The following CHCHD6 variants were observed in gnomAD, a reference collection of about 807,000 sequenced individuals.
The protein encoded by CHCHD6 is coiled-coil-helix-coiled-coil-helix domain containing 6.
Under a neutral mutation model 32.3 loss-of-function variants are expected in CHCHD6, and 28 were observed. That is an observed-to-expected ratio of 0.87 (90% confidence interval 0.64 to 1.19). The LOEUF is 1.19. CHCHD6 is among the 50% of genes most tolerant of loss of function. The pLI, the probability that CHCHD6 is intolerant of heterozygous loss-of-function variation, is 0.00. For synonymous variants in CHCHD6, 122 were observed against 117.5 expected (o/e 1.04, Z -0.25); for missense variants, 333 against 307.0 (o/e 1.08, Z -0.63).
At chr3:126,776,583 G>A (rs906266925) in intron 4 of CHCHD6, among the ~76,000 whole-genome samples, 13 of 152,192 alleles carry the variant, frequency 8.5e-5, no homozygotes, top group Admixed American at 1.3e-4. Flanking sequence ...ATAGGACCTT[G>A]AGGGCACTTA....
intron 4 of CHCHD6, among the ~76,000 whole-genome samples, chr3:126,805,210 G>T (rs1002545661): frequency 6.6e-6 from 1 of 152,180 alleles, no homozygotes; most frequent in East Asian, 1.9e-4. Context: ...GGGCAATTAG[G>T]CAAGAGAAGG....
chr3:126,881,670 G>A (rs1045426876), intron 5 of CHCHD6, among the ~76,000 whole-genome samples: 19 of 152,188 alleles, frequency 1.2e-4, no homozygotes, highest in Non-Finnish European at 2.2e-4. Context: ...GGAGCTTCTC[G>A]AAGGAGTCGG....
chr3:126,799,611 G>T (rs889371381), intron 4 of CHCHD6, among the ~76,000 whole-genome samples: 55 of 152,148 alleles, frequency 3.6e-4, no homozygotes, highest in Admixed American at 8.5e-4. Flanking sequence ...CTCAGAGCTC[G>T]CATCGCCCCA....
chr3:126,804,278 GT>G (rs1939239986), intron 4 of CHCHD6, among the ~76,000 whole-genome samples: 1 of 152,104 alleles, frequency 6.6e-6, no homozygotes, highest in African/African-American at 2.4e-5. Flanking sequence ...CCAGGAGCTG[GT>G]TTTTTGAAAG....
In CHCHD6 at chr3:126,900,838, A is replaced by G. The variant is rs112359736; in HGVS notation, c.496-13842A>G. ...AGGCTGGTCTTGAATACCTGAACTCAGGTGATCCTACCATCTTGGCCTCCC... is the reference window on the plus strand; with the variant it reads ...AGGCTGGTCTTGAATACCTGAACTCGGGTGATCCTACCATCTTGGCCTCCC... On this transcript the variant is annotated intron_variant, in intron 5 of 7. Transcript: ENST00000290913. Among the ~76,000 whole-genome samples the G allele has an allele frequency of 3.9e-3, 601 of 152,190 alleles. 1 individual carries two copies. The highest frequency in any genetic ancestry group is 6.6e-3 in the Non-Finnish European group (447 of 67,992).
chr3:126,936,083 A>T (rs2078477131), intron 6 of CHCHD6, among the ~76,000 whole-genome samples: 1 of 152,226 alleles, frequency 6.6e-6, no homozygotes, highest in Non-Finnish European at 1.5e-5. Context: ...CAAACCTAAC[A>T]GGTGCCTGCA....
intron 6 of CHCHD6, among the ~76,000 whole-genome samples, chr3:126,948,910 C>G (rs527873773): frequency 1.1e-3 from 173 of 152,350 alleles, no homozygotes; most frequent in Non-Finnish European, 1.6e-3. Context: ...CACCCCATAC[C>G]TTTCACTGGG....
chr3:126,833,882 C>T (rs906134476), intron 4 of CHCHD6, among the ~76,000 whole-genome samples: 3 of 151,132 alleles, frequency 2.0e-5, no homozygotes, highest in African/African-American at 4.9e-5. Context: ...GGTGAAACCC[C>T]GTCTCTACTA....
chr3:126,862,334 T>TCAA, intron 5 of CHCHD6, among the ~76,000 whole-genome samples: 1 of 42,272 alleles, frequency 2.4e-5, no homozygotes, highest in Non-Finnish European at 4.8e-5. Flanking sequence ...TCCTCCACCA[T>TCAA]CACCTCCTCC....
intron 4 of CHCHD6, among the ~76,000 whole-genome samples, chr3:126,758,394 C>T (rs1031013737): frequency 6.6e-6 from 1 of 152,236 alleles, no homozygotes; most frequent in Non-Finnish European, 1.5e-5. Context: ...AACTACATCT[C>T]ATTTCTCACA....
intron 4 of CHCHD6, among the ~76,000 whole-genome samples, chr3:126,776,068 C>T (rs146767227): frequency 1.2e-4 from 18 of 152,294 alleles, no homozygotes; most frequent in South Asian, 1.0e-3. Context: ...AGCTACCATT[C>T]CCTTAGTAGG....
At chr3:126,749,572 G>T (rs1207545148) in intron 4 of CHCHD6, among the ~76,000 whole-genome samples, 3 of 152,168 alleles carry the variant, frequency 2.0e-5, no homozygotes, top group African/African-American at 7.2e-5. Flanking sequence ...AGATACAGTA[G>T]CATAAATAAG....
chr3:126,792,171 G>C (rs1453271529), intron 4 of CHCHD6, among the ~76,000 whole-genome samples: 1 of 151,134 alleles, frequency 6.6e-6, no homozygotes, highest in African/African-American at 2.4e-5. Context: ...TGATGCTGCT[G>C]TGAATGTTGG....
At chr3:126,742,952 C>CA (rs1320310539) in intron 4 of CHCHD6, among the ~76,000 whole-genome samples, 4 of 152,082 alleles carry the variant, frequency 2.6e-5, no homozygotes, top group African/African-American at 9.7e-5. Flanking sequence ...AGGTGGTGGT[C>CA]ACCCTGGTAG....
At chr3:126,907,871 T>C (rs946422074) in intron 5 of CHCHD6, among the ~76,000 whole-genome samples, 1 of 152,148 alleles carries the variant, frequency 6.6e-6, no homozygotes, top group Non-Finnish European at 1.5e-5. Flanking sequence ...GTTTGTTATT[T>C]TTCTTCCCAA....
At position 126,794,861 on chromosome 3, in the gene CHCHD6, C is replaced by G. The variant is rs374735435; in HGVS notation, c.412-57786C>G. Among the ~76,000 whole-genome samples the G allele has an allele frequency of 3.3e-4, 50 of 152,252 alleles. 1 individual carries two copies. The South Asian group carries it at 3.5e-3, about 11-fold the overall frequency. Reference sequence around the variant, plus strand: ...GTATACTAATCTTTGTAGATGCAGTCCCTAGGACAATGCTCAGTAAACTAC... The same window carrying G: ...GTATACTAATCTTTGTAGATGCAGTGCCTAGGACAATGCTCAGTAAACTAC... On this transcript the variant is annotated intron_variant, in intron 4 of 7. Transcript: ENST00000290913.
chr3:126,836,733 G>A lies in CHCHD6; in HGVS notation c.412-15914G>A, dbSNP rs1193837975. On this transcript the variant is annotated intron_variant, in intron 4 of 7. Coordinates refer to ENST00000290913, the MANE Select transcript of CHCHD6 (RefSeq NM_032343.3). Reference sequence around the variant, plus strand: ...GAGAGGGCGTCTGCAGGGATACGGAGGTGCTGGCTGAGCTAGGTATGCCTG... The same window carrying A: ...GAGAGGGCGTCTGCAGGGATACGGAAGTGCTGGCTGAGCTAGGTATGCCTG... Among the ~76,000 whole-genome samples the A allele has an allele frequency of 5.9e-5, 9 of 152,340 alleles. No individual in the cohort carries two copies. In the East Asian group the frequency reaches 1.5e-3, roughly 26 times the overall value.
intron 5 of CHCHD6, among the ~76,000 whole-genome samples, chr3:126,859,758 T>C (rs79893392): frequency 0.018 from 2,746 of 152,286 alleles, 31 homozygotes; most frequent in Middle Eastern, 0.051. Context: ...GCTCTTCCAC[T>C]GCCACGTGCT....
chr3:126,738,294 G>A (rs749011262), intron 4 of CHCHD6, among the ~76,000 whole-genome samples: 2 of 152,152 alleles, frequency 1.3e-5, no homozygotes, highest in African/African-American at 4.8e-5. Flanking sequence ...GTACTATGTC[G>A]TTTTATGTAA....
Sources: gnomAD v4.1 joint callset for allele counts (sites outside exome capture counted in the v4.1 genomes callset) on GRCh38, gnomAD v4.1.1 for gene constraint, MANE v1.5 for transcripts, NCBI Gene and HGNC (gene_info 2026-07-23, HGNC 2026-07-21) for gene names.